Variants in MAMLD1 observed in about 807,000 individuals in gnomAD.
The protein encoded by MAMLD1 is mastermind-like domain-containing protein 1.
Under a neutral mutation model 45.0 loss-of-function variants are expected in MAMLD1, and 14 were observed. That is an observed-to-expected ratio of 0.31 (90% CI 0.21 to 0.49). The LOEUF (loss-of-function observed/expected upper bound fraction) is 0.49, where lower values mean the gene tolerates loss of function less well. Among genes scored for constraint, MAMLD1 ranks in the 20% least tolerant of loss-of-function variants. MAMLD1 has a pLI of 0.99. For missense variants in MAMLD1, 543 were observed against 603.6 expected, an observed-to-expected ratio of 0.90 and a Z score of 1.05; for synonymous variants, 254 against 247.8, an observed-to-expected ratio of 1.02 and a Z score of -0.24.
intron 5 of MAMLD1, among the ~76,000 whole-genome samples, chrX:150,496,418 T>A (rs1458151344): frequency 2.7e-5 from 3 of 112,282 alleles, no homozygotes; most frequent in Admixed American, 1.9e-4. Flanking sequence ...TAAGTGGGGA[T>A]CATAATGGTA....
At chrX:150,361,799 G>A (rs1944118116), upstream of MAMLD1, 1 of 113,077 alleles carries the variant, frequency 8.8e-6, no homozygotes, top group Non-Finnish European at 1.9e-5. Flanking sequence ...CTCGGCGCCA[G>A]GGCAGATGGT....
At chrX:150,479,064 A>G (rs1353242860) in intron 5 of MAMLD1, among the ~76,000 whole-genome samples, 1 of 107,496 alleles carries the variant, frequency 9.3e-6, no homozygotes, top group Non-Finnish European at 2.0e-5. Flanking sequence ...CAAGAATCAA[A>G]AAAAAGTTTT....
intron 1 of MAMLD1, among the ~76,000 whole-genome samples, chrX:150,438,812 G>A (rs782066418): frequency 1.8e-5 from 2 of 112,454 alleles, no homozygotes; most frequent in South Asian, 3.7e-4. Flanking sequence ...GAACATTTGT[G>A]CAAAAGTATT....
chrX:150,498,256 A>C (rs1339642093), intron 5 of MAMLD1, among the ~76,000 whole-genome samples: 1 of 111,752 alleles, frequency 8.9e-6, no homozygotes, highest in Non-Finnish European at 1.9e-5. Context: ...TATTATTGTT[A>C]ATTAATGCTG....
chrX:150,446,431 A>G (rs1644532058), intron 2 of MAMLD1, among the ~76,000 whole-genome samples: 1 of 111,597 alleles, frequency 9.0e-6, no homozygotes, highest in African/African-American at 3.3e-5. Context: ...AGGTAATGCC[A>G]TTTCACATAA....
chrX:150,481,977 A>G (rs2036803693), intron 5 of MAMLD1, among the ~76,000 whole-genome samples: 5 of 80,396 alleles, frequency 6.2e-5, no homozygotes, highest in African/African-American at 2.9e-4. Flanking sequence ...AGAAAGAAAG[A>G]AAGAAAGAAA....
intron 1 of MAMLD1, among the ~76,000 whole-genome samples, chrX:150,386,083 T>C (rs902290072): frequency 5.0e-5 from 5 of 99,028 alleles, no homozygotes; most frequent in Admixed American, 1.1e-4. Context: ...GATCCATATC[T>C]TGAAATCCTT....
At chrX:150,495,265 A>G (rs1256837356) in intron 5 of MAMLD1, among the ~76,000 whole-genome samples, 1 of 112,194 alleles carries the variant, frequency 8.9e-6, no homozygotes, top group African/African-American at 3.2e-5. Flanking sequence ...TTAGTGGAAG[A>G]CACAATCTAA....
rs782634013 is a variant in MAMLD1 at position 150,410,986 on chromosome X, G to T, written c.-63-34468G>T. On this transcript the variant is annotated intron_variant, in intron 1 of 7. Coordinates refer to ENST00000370401, the MANE Select transcript of MAMLD1 (RefSeq NM_005491.5). ...GTTAAAACATTATGAAGTTTTTTTTGATTTTTTTAGCTCATCAGTTATTGT... is the reference window on the plus strand; with the variant it reads ...GTTAAAACATTATGAAGTTTTTTTTTATTTTTTTAGCTCATCAGTTATTGT... Among the ~76,000 whole-genome samples, 73 of 109,804 alleles carry T rather than the reference G, an allele frequency of 6.6e-4. 1 individual carries two copies. The highest frequency in any genetic ancestry group is 3.9e-3 in the Admixed American group (41 of 10,438).
intron 1 of MAMLD1, among the ~76,000 whole-genome samples, chrX:150,413,618 T>A (rs60554645): frequency 0.034 from 3,662 of 107,410 alleles, 173 homozygotes; most frequent in African/African-American, 0.12. Flanking sequence ...ACCTGATGAA[T>A]GCAACCTATC....
At chrX:150,372,600 G>A (rs782562369) in intron 1 of MAMLD1, among the ~76,000 whole-genome samples, 7 of 112,183 alleles carry the variant, frequency 6.2e-5, no homozygotes, top group Admixed American at 9.4e-5. Context: ...CATTTTCTTC[G>A]CAGTTTGCTG....
At chrX:150,393,729 A>G (rs782142462) in intron 1 of MAMLD1, among the ~76,000 whole-genome samples, 6 of 112,225 alleles carry the variant, frequency 5.3e-5, no homozygotes, top group Admixed American at 9.4e-5. Flanking sequence ...CCATTTGTGT[A>G]TCTTCTTTGA....
In MAMLD1 at chrX:150,433,433, T is replaced by C. The variant is rs186558044; in HGVS notation, c.-63-12021T>C. ...CTTGCCTGATTGCTCCTGATAGGAC[T>C]TCCAATACTATGTTGAATAGAAGTG... On this transcript the variant is annotated intron_variant, in intron 1 of 7. Coordinates refer to ENST00000370401, the MANE Select transcript of MAMLD1 (RefSeq NM_005491.5). Among the ~76,000 whole-genome samples, 251 of 111,831 alleles carry C rather than the reference T, an allele frequency of 2.2e-3. 1 individual carries two copies. Among genetic ancestry groups the C allele is most frequent in the African/African-American group, 8.0e-3 (245 of 30,817 alleles).
chrX:150,377,994 T>C (rs917745177), intron 1 of MAMLD1, among the ~76,000 whole-genome samples: 34 of 112,218 alleles, frequency 3.0e-4, no homozygotes, highest in Non-Finnish European at 5.4e-4. Flanking sequence ...AGGAAGCTAA[T>C]AGTGGTACTA....
chrX:150,488,975 G>A (rs962635267), intron 5 of MAMLD1, among the ~76,000 whole-genome samples: 1 of 113,032 alleles, frequency 8.8e-6, no homozygotes, highest in Non-Finnish European at 1.9e-5. Flanking sequence ...AGGAACCCTA[G>A]GAGAGTAGAG....
At chrX:150,479,537 C>A (rs1255625987) in intron 5 of MAMLD1, among the ~76,000 whole-genome samples, 1 of 112,021 alleles carries the variant, frequency 8.9e-6, no homozygotes, top group Admixed American at 9.4e-5. Context: ...CCAAAATGAG[C>A]CCTTTTAAAA....
chrX:150,464,838 G>C (rs1232026270), intron 3 of MAMLD1, among the ~76,000 whole-genome samples: 1 of 112,135 alleles, frequency 8.9e-6, no homozygotes, highest in East Asian at 2.8e-4. Flanking sequence ...AATTCATAGG[G>C]GGAAAATGTA....
chrX:150,513,356 G>A lies in MAMLD1; in HGVS notation c.*1397G>A. On this transcript the variant is annotated 3_prime_UTR_variant, in exon 8 of 8. Coordinates refer to ENST00000370401, the MANE Select transcript of MAMLD1 (RefSeq NM_005491.5). ...CGACGGCTTTTGTTTCAGTAGAGTT[G>A]TGTTTACTATGCATTGTTTTGTGTT... The A allele has an allele frequency of 2.7e-6, 1 of 367,089 alleles. No homozygotes were observed. The highest frequency in any genetic ancestry group is 7.7e-5 in the South Asian group (1 of 13,034). The allele number at this position is 367,089 out of a possible 1,213,427, so 30.3% of individuals were successfully genotyped here.
At chrX:150,474,392 G>A (rs895641929) in intron 5 of MAMLD1, among the ~76,000 whole-genome samples, 2 of 112,656 alleles carry the variant, frequency 1.8e-5, no homozygotes, top group East Asian at 2.8e-4. Flanking sequence ...GGTGATGATA[G>A]GTTGTCTGAG....
Sources: allele counts gnomAD v4.1 joint callset (sites outside exome capture counted in the v4.1 genomes callset), GRCh38; gene constraint gnomAD v4.1.1; transcripts MANE v1.5; gene names NCBI Gene and HGNC (gene_info 2026-07-23, HGNC 2026-07-21).